Variants in CEP104 observed in about 807,000 individuals in gnomAD.
CEP104 encodes centrosomal protein 104.
CEP104 carries 84 observed loss-of-function variants against 113.3 expected under a neutral mutation model. The observed-to-expected ratio is 0.74, with a 90% confidence interval of 0.62 to 0.89. CEP104 has a LOEUF of 0.89. Ranked by LOEUF, CEP104 falls within the 40% of genes least tolerant of loss-of-function variation. The pLI, the probability that CEP104 is intolerant of heterozygous loss-of-function variation, is 0.00. For synonymous variants in CEP104, 378 were observed against 421.7 expected (o/e 0.90, Z 1.27); for missense variants, 1,053 against 1,156.6 (o/e 0.91, Z 1.30).
In CEP104 at chr1:3,826,306, C is replaced by T. The variant is rs146450287; in HGVS notation, c.2255+64G>A. ...AACTAGGGAGGACGCATTCCCTTTC[C>T]AGGGTTTCTGTGTGGCTGGTTGCCC... On this transcript the variant is annotated intron_variant, in intron 17 of 21. Coordinates refer to ENST00000378230, the MANE Select transcript of CEP104 (RefSeq NM_014704.4). 435 of 1,441,126 alleles carry T rather than the reference C, an allele frequency of 3.0e-4. 2 individuals carry two copies. In the African/African-American group the frequency reaches 5.4e-3, roughly 18 times the overall value. 89.3% of individuals were successfully genotyped at this position (1,441,126 alleles called of 1,614,324 possible).
chr1:3,823,633 C>G lies in CEP104; in HGVS notation c.2365-71G>C, dbSNP rs1644025671. 9 of 1,590,042 alleles carry G rather than the reference C, an allele frequency of 5.7e-6. No homozygotes were observed. Among genetic ancestry groups the G allele is most frequent in the Non-Finnish European group, 7.7e-6 (9 of 1,162,936 alleles). ...AGCGCCCTCCAGCCAGCCTGCAGAG[C>G]CTGTGAGCGCCTCCCCTGCCCAGGG... On this transcript the variant is annotated intron_variant, in intron 18 of 21. Coordinates refer to ENST00000378230, the MANE Select transcript of CEP104 (RefSeq NM_014704.4). This position sits in a 1 kb window ranked among gnomAD's most constrained non-coding sequence, Gnocchi z 4.1.
chr1:3,815,771 C>T (rs1370875443), intron 21 of CEP104, among the ~76,000 whole-genome samples: 2 of 152,010 alleles, frequency 1.3e-5, no homozygotes, highest in Non-Finnish European at 2.9e-5. Context: ...TCACCACAAC[C>T]TCCACCTCCC....
At chr1:3,836,721 G>T in intron 9 of CEP104, 29 bp from the exon 10 acceptor site, 1 of 1,604,714 alleles carries the variant, frequency 6.2e-7, no homozygotes, top group Non-Finnish European at 8.5e-7. Flanking sequence ...AGAGGAAAGT[G>T]CTGGGGAGCT....
At chr1:3,834,106 C>G in intron 11 of CEP104, 71 bp from the exon 12 acceptor site, 1 of 1,218,634 alleles carries the variant, frequency 8.2e-7, no homozygotes, top group Non-Finnish European at 1.2e-6. Context: ...ATGGCATTTA[C>G]TATCAGTAAC....
At chr1:3,839,199 G>T in intron 7 of CEP104, 80 bp from the exon 8 acceptor site, 1 of 1,267,134 alleles carries the variant, frequency 7.9e-7, no homozygotes, top group Non-Finnish European at 1.1e-6. Flanking sequence ...TAAGAATCAC[G>T]CGTGAACCGT....
chr1:3,818,337 G>A (rs1043721720), intron 20 of CEP104, among the ~76,000 whole-genome samples: 25 of 152,280 alleles, frequency 1.6e-4, no homozygotes, highest in African/African-American at 5.8e-4. Flanking sequence ...CCTGTCTACC[G>A]GCCTGCGCGT....
chr1:3,825,651 C>T, intron 18 of CEP104, 107 bp downstream of exon 18: 2 of 740,378 alleles, frequency 2.7e-6, no homozygotes, highest in South Asian at 1.6e-5. Flanking sequence ...TTCTCGCAAC[C>T]TCTCCTCTGA....
At chr1:3,839,226 G>T in intron 7 of CEP104, 107 bp from the exon 8 acceptor site, 2 of 979,852 alleles carry the variant, frequency 2.0e-6, no homozygotes, top group Non-Finnish European at 3.2e-6. Flanking sequence ...AGGAGAGGGA[G>T]TGAGCACAGG....
chr1:3,823,255 A>C lies in CEP104; in HGVS notation c.2504-14T>G. 6.2e-7 allele frequency: 1 copy of C among 1,614,114 alleles called. No individual in the cohort carries two copies. The stretch of plus-strand genomic sequence containing the variant: ...CCGGTTTGGCAGCTGAAATGATTTT[A>C]AAAAGACTCAGTCGCTCCCTGAATG... On this transcript the variant is annotated splice_polypyrimidine_tract_variant and intron_variant, in intron 19 of 21. Transcript: ENST00000378230. The surrounding 1 kb of genome is among the most constrained non-coding windows in gnomAD (Gnocchi z 4.1).
At chr1:3,831,456 G>C in intron 12 of CEP104, among the ~76,000 whole-genome samples, 1 of 152,292 alleles carries the variant, frequency 6.6e-6, no homozygotes, top group South Asian at 2.1e-4. Context: ...AGAATAAAAC[G>C]ATTTTATGTC....
At chr1:3,856,805 GC>G (rs1644742437) in intron 1 of CEP104, 83 bp downstream of exon 1, 1 of 141,882 alleles carries the variant, frequency 7.0e-6, no homozygotes, top group Non-Finnish European at 1.5e-5. Flanking sequence ...TGGGGACCGC[GC>G]CCCCGCGGCG....
At chr1:3,836,761 C>T in intron 9 of CEP104, 69 bp from the exon 10 acceptor site, 1 of 1,416,032 alleles carries the variant, frequency 7.1e-7, no homozygotes, top group Non-Finnish European at 9.9e-7. Context: ...GTGCAACTCT[C>T]ACTGGCAGGC....
chr1:3,848,312 C>T (rs1211926661), intron 3 of CEP104, among the ~76,000 whole-genome samples: 1 of 151,956 alleles, frequency 6.6e-6, no homozygotes, highest in Non-Finnish European at 1.5e-5. Context: ...GCGGGCGGAT[C>T]ACGAGGTCAG....
intron 4 of CEP104, among the ~76,000 whole-genome samples, chr1:3,846,172 G>A (rs769250910): frequency 2.0e-5 from 3 of 151,442 alleles, no homozygotes; most frequent in Non-Finnish European, 2.9e-5. Flanking sequence ...AGACATCCAC[G>A]TGAGATTCAG....
intron 6 of CEP104, among the ~76,000 whole-genome samples, chr1:3,842,945 G>A (rs573856002): frequency 3.9e-5 from 6 of 152,126 alleles, no homozygotes; most frequent in South Asian, 2.1e-4. Flanking sequence ...GCGCCACCAC[G>A]CCTGGCTAAT....
intron 1 of CEP104, among the ~76,000 whole-genome samples, chr1:3,854,471 T>G (rs894210988): frequency 4.6e-5 from 7 of 152,008 alleles, no homozygotes; most frequent in Non-Finnish European, 7.4e-5. Context: ...TTTCATCAGC[T>G]TTTTTTCCTT....
intron 1 of CEP104, among the ~76,000 whole-genome samples, chr1:3,852,849 G>A (rs1367109214): frequency 1.3e-5 from 2 of 152,212 alleles, no homozygotes. Context: ...CAAAGGGAGA[G>A]CGCCATGTGG....
intron 2 of CEP104, among the ~76,000 whole-genome samples, chr1:3,851,576 G>T (rs1383030915): frequency 6.6e-6 from 1 of 152,118 alleles, no homozygotes; most frequent in Non-Finnish European, 1.5e-5. Flanking sequence ...GCATGAAGGG[G>T]CTCAGCTGTA....
In CEP104 at chr1:3,818,389, G is replaced by C. The variant is rs536187520; in HGVS notation, c.2572-2019C>G. On this transcript the variant is annotated intron_variant, in intron 20 of 21. Transcript: ENST00000378230. ...CTCCACAGCTCCAGGCTAAGCTCCT[G>C]AGCGCCCTGGATTCCTGACCGCAGT... 4.6e-5 allele frequency among the ~76,000 whole-genome samples: 7 copies of C among 152,324 alleles called. No homozygotes were observed. The South Asian group carries it at 1.2e-3, about 27-fold the overall frequency.
Sources: gnomAD v4.1 joint callset for allele counts (sites outside exome capture counted in the v4.1 genomes callset) on GRCh38, gnomAD v4.1.1 for gene constraint, Gnocchi (gnomAD v3.1) non-coding constraint, MANE v1.5 for transcripts, NCBI Gene and HGNC (gene_info 2026-07-23, HGNC 2026-07-21) for gene names.